Variants in CDH18 observed in about 807,000 individuals in gnomAD.
CDH18 encodes cadherin 18.
In CDH18, 31 loss-of-function variants were observed where a neutral mutation model predicts 67.9. The observed-to-expected ratio is 0.46, with a 90% CI of 0.34 to 0.62. The LOEUF (loss-of-function observed/expected upper bound fraction) is 0.62. Among genes scored for constraint, CDH18 ranks in the 20% least tolerant of loss-of-function variants. The pLI is 0.01. For synonymous variants in CDH18, 362 were observed against 347.2 expected (o/e 1.04, Z -0.48); for missense variants, 890 against 975.5 (o/e 0.91, Z 1.17).
In CDH18 at chr5:20,235,547, T is replaced by C. The variant is rs978972648; in HGVS notation, c.-518+19897A>G. On this transcript the variant is annotated intron_variant, in intron 2 of 14. Coordinates refer to the CDH18 transcript ENST00000507958. The stretch of plus-strand genomic sequence containing the variant: ...AAATGTTCGTCATCACTAATAATTA[T>C]AGAAATGCAAATCAAAACCACAATG... Among the ~76,000 whole-genome samples the C allele has an allele frequency of 5.3e-5, 8 of 151,976 alleles. No homozygotes were observed. The South Asian group carries it at 6.2e-4, about 12-fold the overall frequency.
At chr5:19,763,289 G>A (rs930691486) in intron 3 of CDH18, among the ~76,000 whole-genome samples, 7 of 152,182 alleles carry the variant, frequency 4.6e-5, no homozygotes, top group African/African-American at 1.7e-4. Flanking sequence ...GATTGTTAAT[G>A]GGAGCATGGA....
At chr5:20,244,821 G>C (rs1258739665) in intron 2 of CDH18, among the ~76,000 whole-genome samples, 1 of 151,920 alleles carries the variant, frequency 6.6e-6, no homozygotes, top group Non-Finnish European at 1.5e-5. Context: ...ATGCCAGTAA[G>C]ATAAATAAAG....
intron 1 of CDH18, among the ~76,000 whole-genome samples, chr5:20,524,830 A>T (rs985004453): frequency 1.3e-5 from 2 of 152,186 alleles, no homozygotes; most frequent in Non-Finnish European, 2.9e-5. Flanking sequence ...TAGACTATAC[A>T]GCTCCTTGTT....
At chr5:19,622,785 C>T (rs943620509) in intron 5 of CDH18, among the ~76,000 whole-genome samples, 1 of 152,072 alleles carries the variant, frequency 6.6e-6, no homozygotes, top group Non-Finnish European at 1.5e-5. Context: ...CTTGAACTTC[C>T]CTGGACCCAT....
intron 8 of CDH18, among the ~76,000 whole-genome samples, chr5:19,550,343 A>G (rs1391527611): frequency 6.6e-6 from 1 of 151,996 alleles, no homozygotes; most frequent in African/African-American, 2.4e-5. Context: ...TACATGTGCC[A>G]TGTCGGTGTG....
intron 2 of CDH18, among the ~76,000 whole-genome samples, chr5:20,013,374 G>C (rs1488099490): frequency 6.6e-6 from 1 of 151,992 alleles, no homozygotes; most frequent in African/African-American, 2.4e-5. Context: ...TTAAGGACAG[G>C]TTATATTGAT....
chr5:19,705,154 G>A lies in CDH18; in HGVS notation c.643+16193C>T, dbSNP rs149929939. The stretch of plus-strand genomic sequence containing the variant: ...TTTTCACAGTGTTACCTTATTACGT[G>A]GATGATATACTTTGTGCTGCCCCCA... On this transcript the variant is annotated intron_variant, in intron 5 of 12. Transcript: ENST00000382275. Among the ~76,000 whole-genome samples the A allele has an allele frequency of 4.8e-3, 734 of 152,192 alleles. 2 individuals carry two copies. The highest frequency in any genetic ancestry group is 0.017 in the Middle Eastern group (5 of 292).
intron 2 of CDH18, among the ~76,000 whole-genome samples, chr5:20,199,202 G>A (rs944253513): frequency 2.0e-5 from 3 of 152,158 alleles, no homozygotes; most frequent in African/African-American, 4.8e-5. Context: ...TGTGCATCTG[G>A]AAAACCCATA....
intron 2 of CDH18, among the ~76,000 whole-genome samples, chr5:20,180,359 C>T (rs1246625633): frequency 6.6e-6 from 1 of 152,120 alleles, no homozygotes. Flanking sequence ...CTAGTCTAAC[C>T]AGTTGTCTAG....
intron 2 of CDH18, among the ~76,000 whole-genome samples, chr5:20,007,169 T>A (rs1176783388): frequency 6.6e-6 from 1 of 151,876 alleles, no homozygotes; most frequent in African/African-American, 2.4e-5. Flanking sequence ...AAGAAATAAT[T>A]CAGTGCAACT....
At chr5:19,652,636 T>C (rs1360374886) in intron 5 of CDH18, among the ~76,000 whole-genome samples, 1 of 151,980 alleles carries the variant, frequency 6.6e-6, no homozygotes. Flanking sequence ...CTGAAAGTGT[T>C]GGGGTTGGGT....
intron 5 of CDH18, among the ~76,000 whole-genome samples, chr5:19,691,755 C>A (rs868372224): frequency 6.6e-6 from 1 of 151,744 alleles, no homozygotes; most frequent in Non-Finnish European, 1.5e-5. Context: ...TGACATCCCA[C>A]GCTCTTGGAA....
At chr5:20,175,475 T>C (rs1322050032) in intron 2 of CDH18, among the ~76,000 whole-genome samples, 1 of 152,110 alleles carries the variant, frequency 6.6e-6, no homozygotes, top group African/African-American at 2.4e-5. Context: ...TGGATCCTAA[T>C]TGCTATAATT....
chr5:19,540,691 T>C (rs1308097627), intron 9 of CDH18, among the ~76,000 whole-genome samples: 1 of 152,162 alleles, frequency 6.6e-6, no homozygotes, highest in Non-Finnish European at 1.5e-5. Context: ...AGGAAGCCAC[T>C]GCCCAAGCTA....
At chr5:19,699,019 T>C (rs1454230835) in intron 5 of CDH18, among the ~76,000 whole-genome samples, 1 of 152,186 alleles carries the variant, frequency 6.6e-6, no homozygotes, top group Non-Finnish European at 1.5e-5. Flanking sequence ...AGCACTAGCT[T>C]AACCCTAATC....
chr5:19,840,288 G>GAA lies in CDH18; in HGVS notation c.-256-1048_-256-1047dup, dbSNP rs70954608. On this transcript the variant is annotated intron_variant, in intron 2 of 12. Coordinates refer to ENST00000382275, the MANE Select transcript of CDH18 (RefSeq NM_004934.5). ...GGACTCCGTCTCAAAAAAAAAAAAA[G>GAA]AAAAAAAAAAAAACAACACGTTGAA... 8.4e-3 allele frequency among the ~76,000 whole-genome samples: 1,080 copies of GAA among 128,040 alleles called. 10 individuals are homozygous for GAA. The highest frequency in any genetic ancestry group is 0.01 in the Non-Finnish European group (668 of 64,086). The allele number at this position is 128,040 out of a possible 152,430, so 84.0% of individuals were successfully genotyped here. A position where few individuals can be genotyped will look rare whatever the true frequency, so the allele number is the denominator to read the frequency against.
At chr5:19,963,868 A>C (rs1295477647) in intron 2 of CDH18, among the ~76,000 whole-genome samples, 1 of 152,034 alleles carries the variant, frequency 6.6e-6, no homozygotes, top group East Asian at 2.0e-4. Flanking sequence ...TCTTCTTCAC[A>C]AGGTGGCCAG....
chr5:19,845,120 A>AAT (rs1365634312), intron 2 of CDH18, among the ~76,000 whole-genome samples: 1 of 152,104 alleles, frequency 6.6e-6, no homozygotes, highest in African/African-American at 2.4e-5. Context: ...TATATATCCA[A>AAT]ATTATAGTTG....
intron 9 of CDH18, among the ~76,000 whole-genome samples, chr5:19,541,662 T>TC (rs1750305811): frequency 6.6e-6 from 1 of 152,088 alleles, no homozygotes; most frequent in Admixed American, 6.6e-5. Flanking sequence ...GCAGGGGAAC[T>TC]CCCCTTTATA....
Sources: allele counts gnomAD v4.1 joint callset (sites outside exome capture counted in the v4.1 genomes callset), GRCh38; gene constraint gnomAD v4.1.1; transcripts MANE v1.5; gene names NCBI Gene and HGNC (gene_info 2026-07-23, HGNC 2026-07-21).